The following TIAM1 variants were observed in gnomAD, a reference collection of about 807,000 sequenced individuals.
TIAM1 encodes rho guanine nucleotide exchange factor TIAM1.
A neutral mutation model predicts 163.5 loss-of-function variants in TIAM1; 65 were observed. That is an observed-to-expected ratio of 0.40 (90% CI 0.33 to 0.49). TIAM1 has a LOEUF of 0.49. TIAM1 is among the 20% of genes least tolerant of loss of function. The pLI, the probability that TIAM1 is intolerant of heterozygous loss-of-function variation, is 0.77. For missense variants in TIAM1, 1,789 were observed against 2,044.7 expected (o/e 0.87, Z 2.41); for synonymous variants, 833 against 810.1 (o/e 1.03, Z -0.48).
At chr21:31,459,724 C>A (rs2045253401) in intron 2 of TIAM1, among the ~76,000 whole-genome samples, 1 of 152,148 alleles carries the variant, frequency 6.6e-6, no homozygotes, top group Admixed American at 6.6e-5. Context: ...GCACCCACCA[C>A]CTGGGAGAAG....
intron 2 of TIAM1, among the ~76,000 whole-genome samples, chr21:31,421,072 A>C (rs1269057198): frequency 1.3e-5 from 2 of 151,666 alleles, no homozygotes; most frequent in African/African-American, 4.8e-5. Context: ...CAGTGAGTGC[A>C]GTGAGCCGAG....
At chr21:31,247,435 C>T (rs2071564685) in intron 5 of TIAM1, among the ~76,000 whole-genome samples, 1 of 152,084 alleles carries the variant, frequency 6.6e-6, no homozygotes, top group Non-Finnish European at 1.5e-5. Context: ...CCCACTGTTG[C>T]TCAGGCTGGA....
intron 1 of TIAM1, among the ~76,000 whole-genome samples, chr21:31,468,785 G>A (rs1490632087): frequency 6.6e-6 from 1 of 151,812 alleles, no homozygotes; most frequent in Admixed American, 6.6e-5. Flanking sequence ...CAAAAAAAAC[G>A]AACCTAGAAG....
rs189842509 is a variant in TIAM1, at chr21:31,290,509, T to G, written c.-188-13601A>C. On this transcript the variant is annotated intron_variant, in intron 2 of 27. Transcript: ENST00000541036. ...AAAATATATAAAAATTATCCAGGAA[T>G]GACGGCGCGTGCCTGTAATCCCAGC... is the stretch of plus-strand genomic sequence containing the variant. 6.6e-3 allele frequency among the ~76,000 whole-genome samples: 995 copies of G among 151,822 alleles called. 14 individuals are homozygous for G. Among genetic ancestry groups the G allele is most frequent in the African/African-American group, 0.023 (955 of 41,398 alleles).
intron 1 of TIAM1, among the ~76,000 whole-genome samples, chr21:31,471,480 C>G (rs947639698): frequency 6.6e-6 from 1 of 152,178 alleles, no homozygotes; most frequent in African/African-American, 2.4e-5. Context: ...TCTCTGTTTT[C>G]TTCCCTGCAG....
intron 23 of TIAM1, among the ~76,000 whole-genome samples, chr21:31,133,204 G>A (rs564937618): frequency 2.1e-4 from 32 of 152,234 alleles, no homozygotes; most frequent in East Asian, 1.2e-3. Context: ...TCTCTTTAAC[G>A]GCTGGGAATC....
intron 4 of TIAM1, among the ~76,000 whole-genome samples, chr21:31,253,823 G>A: frequency 6.6e-6 from 1 of 152,176 alleles, no homozygotes; most frequent in East Asian, 1.9e-4. Flanking sequence ...AAGACCTAGA[G>A]CCAATTGGTA....
chr21:31,424,427 G>A (rs942547808), intron 2 of TIAM1, among the ~76,000 whole-genome samples: 1 of 152,134 alleles, frequency 6.6e-6, no homozygotes, highest in Non-Finnish European at 1.5e-5. Flanking sequence ...AACGAAATGC[G>A]GTGTAGACGT....
At chr21:31,257,864 AC>A (rs898715602) in intron 4 of TIAM1, among the ~76,000 whole-genome samples, 9 of 151,552 alleles carry the variant, frequency 5.9e-5, no homozygotes, top group African/African-American at 2.2e-4. Flanking sequence ...TCCTCCAACT[AC>A]CATGCCAACC....
At chr21:31,197,567 G>A (rs1471900215) in intron 12 of TIAM1, among the ~76,000 whole-genome samples, 1 of 112,860 alleles carries the variant, frequency 8.9e-6, no homozygotes, top group African/African-American at 4.3e-5. Flanking sequence ...ATTTTTAGTA[G>A]AGACAGGGTT....
chr21:31,522,016 C>T (rs947225256), intron 1 of TIAM1, among the ~76,000 whole-genome samples: 16 of 151,686 alleles, frequency 1.1e-4, no homozygotes, highest in African/African-American at 3.6e-4. Flanking sequence ...GGACTAGAGG[C>T]GCCTGCAACC....
At chr21:31,437,238 A>T (rs1442303252) in intron 2 of TIAM1, among the ~76,000 whole-genome samples, 1 of 152,102 alleles carries the variant, frequency 6.6e-6, no homozygotes, top group Non-Finnish European at 1.5e-5. Flanking sequence ...CATGTCACTA[A>T]AATATTATGG....
At chr21:31,495,078 G>A (rs935451576) in intron 1 of TIAM1, among the ~76,000 whole-genome samples, 10 of 152,178 alleles carry the variant, frequency 6.6e-5, no homozygotes, top group African/African-American at 2.4e-4. Flanking sequence ...ATATAAATGT[G>A]TAGGAGGATA....
chr21:31,495,500 G>A (rs561761183), intron 1 of TIAM1, among the ~76,000 whole-genome samples: 10 of 152,296 alleles, frequency 6.6e-5, no homozygotes, highest in Non-Finnish European at 1.0e-4. Flanking sequence ...GAGCCTCCAC[G>A]GCAGAGGAGC....
At chr21:31,195,428 T>C in intron 12 of TIAM1, 123 bp from the exon 13 acceptor site, 1 of 691,144 alleles carries the variant, frequency 1.4e-6, no homozygotes, top group South Asian at 2.0e-5. Context: ...TTCACAATCT[T>C]ATCATTAAAC....
At chr21:31,368,945 GA>G (rs780667855) in intron 2 of TIAM1, among the ~76,000 whole-genome samples, 8 of 152,164 alleles carry the variant, frequency 5.3e-5, no homozygotes, top group Non-Finnish European at 8.8e-5. Flanking sequence ...AGAGAAGAAA[GA>G]AAGGGATGAT....
rs112589050 is a variant in TIAM1 at position 31,466,962 on chromosome 21, T to C, written c.-421-2927A>G. Among the ~76,000 whole-genome samples the C allele has an allele frequency of 5.7e-3, 592 of 103,674 alleles. 2 individuals are homozygous for C. Among genetic ancestry groups the C allele is most frequent in the African/African-American group, 0.022 (574 of 26,142 alleles). 68.0% of individuals were successfully genotyped at this position (103,674 alleles called of 152,430 possible). ...GGCCTTGTAATGACAGGCATATAAA[T>C]AAAATAGGCCAAAAAAAAAAAAAAA... On this transcript the variant is annotated intron_variant, in intron 1 of 28. Coordinates refer to the TIAM1 transcript ENST00000286827.
chr21:31,442,070 A>ATATATATATAT (rs2044441960), intron 2 of TIAM1, among the ~76,000 whole-genome samples: 9 of 53,228 alleles, frequency 1.7e-4, no homozygotes, highest in Non-Finnish European at 2.7e-4. Flanking sequence ...CAAATAAATA[A>ATATATATATAT]ATATATATAT....
chr21:31,200,221 C>T (rs1291744926), intron 12 of TIAM1, among the ~76,000 whole-genome samples: 11 of 152,160 alleles, frequency 7.2e-5, no homozygotes, highest in Admixed American at 6.5e-4. Context: ...ACTCTATTCC[C>T]AGCTACTTGG....
Sources: allele counts gnomAD v4.1 joint callset (sites outside exome capture counted in the v4.1 genomes callset), GRCh38; gene constraint gnomAD v4.1.1; transcripts MANE v1.5; gene names NCBI Gene and HGNC (gene_info 2026-07-23, HGNC 2026-07-21).